SLC24A4: variants seen among roughly 807,000 people sequenced by gnomAD.
The protein encoded by SLC24A4 is sodium/potassium/calcium exchanger 4.
Under a neutral mutation model 79.0 loss-of-function variants are expected in SLC24A4, and 53 were observed. The ratio of observed to expected loss-of-function variants is 0.67; its 90% CI spans 0.54 to 0.84. SLC24A4 has a LOEUF of 0.84. SLC24A4 is among the 40% of genes least tolerant of loss of function. The pLI is 0.00. For synonymous variants in SLC24A4, 323 were observed against 323.8 expected (o/e 1.00, Z 0.03); for missense variants, 731 against 822.0 (o/e 0.89, Z 1.35).
intron 2 of SLC24A4, among the ~76,000 whole-genome samples, chr14:92,395,251 A>T (rs562966922): frequency 6.6e-6 from 1 of 152,232 alleles, no homozygotes; most frequent in South Asian, 2.1e-4. Flanking sequence ...TTAAGAGTTA[A>T]TCTGGGATGC....
chr14:92,426,901 T>G (rs1891595574), intron 2 of SLC24A4, among the ~76,000 whole-genome samples: 1 of 152,204 alleles, frequency 6.6e-6, no homozygotes, highest in African/African-American at 2.4e-5. Flanking sequence ...TTTTCATCGT[T>G]TCAGAATAAA....
At chr14:92,433,814 G>C in intron 2 of SLC24A4, 98 bp from the exon 3 acceptor site, 1 of 986,002 alleles carries the variant, frequency 1.0e-6, no homozygotes. Flanking sequence ...AAAGCGAGGT[G>C]GGCTCTGCAG....
chr14:92,369,075 A>G (rs1036615366), intron 2 of SLC24A4, among the ~76,000 whole-genome samples: 17 of 152,068 alleles, frequency 1.1e-4, no homozygotes, highest in African/African-American at 4.1e-4. Context: ...CAGCCTGATC[A>G]CCCCACAATG....
intron 10 of SLC24A4, 117 bp from the exon 11 acceptor site, chr14:92,453,783 C>A: frequency 8.4e-7 from 1 of 1,185,190 alleles, no homozygotes; most frequent in Non-Finnish European, 1.1e-6. Flanking sequence ...CCGGTGGCTG[C>A]CAGCTGCCAG....
At chr14:92,461,567 G>A (rs1029196709) in intron 12 of SLC24A4, among the ~76,000 whole-genome samples, 3 of 152,160 alleles carry the variant, frequency 2.0e-5, no homozygotes, top group African/African-American at 7.2e-5. Flanking sequence ...GTGCATGCAT[G>A]TGGAGAGAGA....
At chr14:92,371,315 C>A (rs1479058461) in intron 2 of SLC24A4, among the ~76,000 whole-genome samples, 1 of 152,096 alleles carries the variant, frequency 6.6e-6, no homozygotes, top group Non-Finnish European at 1.5e-5. Flanking sequence ...AATAAAGAAA[C>A]TAAATACACA....
rs144472150 is a variant in SLC24A4 at position 92,430,949 on chromosome 14, C to T, written c.242-2963C>T. Reference sequence around the variant, plus strand: ...AGAGCAGGCTCAGCCCCCTCAGACACGCAAGCATCCCGCCCTTGAACATGG... The same window carrying T: ...AGAGCAGGCTCAGCCCCCTCAGACATGCAAGCATCCCGCCCTTGAACATGG... On this transcript the variant is annotated intron_variant, in intron 2 of 16. Coordinates refer to ENST00000532405, the MANE Select transcript of SLC24A4 (RefSeq NM_153646.4). Among the ~76,000 whole-genome samples, 1,235 of 152,332 alleles carry T rather than the reference C, an allele frequency of 8.1e-3. 19 individuals carry two copies. Among genetic ancestry groups the T allele is most frequent in the African/African-American group, 0.028 (1,167 of 41,566 alleles).
chr14:92,327,494 G>A (rs765291039), intron 2 of SLC24A4, among the ~76,000 whole-genome samples: 8 of 152,208 alleles, frequency 5.3e-5, no homozygotes, highest in Admixed American at 4.6e-4. Flanking sequence ...GCTGGGGGCC[G>A]TTCCCACCCA....
intron 2 of SLC24A4, among the ~76,000 whole-genome samples, chr14:92,382,267 A>G (rs1888896909): frequency 6.6e-6 from 1 of 152,138 alleles, no homozygotes; most frequent in Non-Finnish European, 1.5e-5. Flanking sequence ...ATAATTATCA[A>G]TTATCAAACA....
At chr14:92,378,189 CA>C (rs1888625449) in intron 2 of SLC24A4, among the ~76,000 whole-genome samples, 1 of 152,152 alleles carries the variant, frequency 6.6e-6, no homozygotes, top group African/African-American at 2.4e-5. Flanking sequence ...ATTGGCTTGT[CA>C]GCTCAACTAT....
At chr14:92,470,597 A>G (rs1894388652) in intron 12 of SLC24A4, among the ~76,000 whole-genome samples, 1 of 149,522 alleles carries the variant, frequency 6.7e-6, no homozygotes, top group Admixed American at 6.6e-5. Flanking sequence ...TAGTGAAAGG[A>G]ATGACGGCAG....
intron 2 of SLC24A4, among the ~76,000 whole-genome samples, chr14:92,330,516 C>A (rs527999855): frequency 1.3e-5 from 2 of 152,308 alleles, no homozygotes; most frequent in South Asian, 4.1e-4. Flanking sequence ...CTCCATGCCA[C>A]ATGTATGATG....
chr14:92,360,569 C>A (rs1202623346), intron 2 of SLC24A4, among the ~76,000 whole-genome samples: 1 of 152,256 alleles, frequency 6.6e-6, no homozygotes, highest in African/African-American at 2.4e-5. Context: ...AATGCTCTTA[C>A]AAACATCCTG....
chr14:92,324,111 GC>G, intron 1 of SLC24A4, 151 bp downstream of exon 1: 1 of 1,111,792 alleles, frequency 9.0e-7, no homozygotes, highest in Non-Finnish European at 1.2e-6. Context: ...GGTAGAGCGC[GC>G]CCAGAAGAGC....
At chr14:92,380,166 A>G (rs926993894) in intron 2 of SLC24A4, among the ~76,000 whole-genome samples, 12 of 152,230 alleles carry the variant, frequency 7.9e-5, no homozygotes, top group South Asian at 6.2e-4. Flanking sequence ...ATCCGAAGGC[A>G]GAACAGGCTG....
Position 92,489,266 on chromosome 14 carries a change from C to T in SLC24A4, c.1538-2399C>T, listed in dbSNP as rs566604985. Reference sequence around the variant, plus strand: ...CAGCCTGGCCAACATGGTGAAACCCCGTCTCTACTAAAAATAAAAAAAATT... The same window carrying T: ...CAGCCTGGCCAACATGGTGAAACCCTGTCTCTACTAAAAATAAAAAAAATT... On this transcript the variant is annotated intron_variant, in intron 14 of 16. Transcript: ENST00000532405. Among the ~76,000 whole-genome samples the T allele has an allele frequency of 1.3e-4, 20 of 151,804 alleles. No homozygotes were observed. In the South Asian group the frequency reaches 3.6e-3, roughly 27 times the overall value.
chr14:92,445,936 C>T (rs1409445626), intron 8 of SLC24A4, among the ~76,000 whole-genome samples: 1 of 152,208 alleles, frequency 6.6e-6, no homozygotes, highest in Non-Finnish European at 1.5e-5. Flanking sequence ...GTGGCTCACA[C>T]CTGTAATTTC....
intron 9 of SLC24A4, among the ~76,000 whole-genome samples, chr14:92,448,421 C>T (rs1213807837): frequency 6.7e-6 from 1 of 149,096 alleles, no homozygotes; most frequent in Non-Finnish European, 1.5e-5. Context: ...GGTTCATCTT[C>T]CTCCTCATAC....
chr14:92,391,101 G>T (rs1407218884), intron 2 of SLC24A4, among the ~76,000 whole-genome samples: 1 of 152,154 alleles, frequency 6.6e-6, no homozygotes, highest in Non-Finnish European at 1.5e-5. Context: ...GTGAGAGCTG[G>T]TCACGGGCCC....
Sources: allele counts gnomAD v4.1 joint callset (sites outside exome capture counted in the v4.1 genomes callset), GRCh38; gene constraint gnomAD v4.1.1; transcripts MANE v1.5; gene names NCBI Gene and HGNC (gene_info 2026-07-23, HGNC 2026-07-21).